Variants in INTS11 observed in about 807,000 individuals in gnomAD.
INTS11 encodes CPSF3-like protein.
INTS11 carries 77 observed loss-of-function variants against 78.6 expected under a neutral mutation model. That is an observed-to-expected ratio of 0.98 (90% CI 0.81 to 1.18). INTS11 has a LOEUF of 1.18. Among genes scored for constraint, INTS11 ranks in the 50% most tolerant of loss-of-function variants. The pLI is 0.00. For missense variants in INTS11, 875 were observed against 825.9 expected (o/e 1.06, Z -0.73); for synonymous variants, 441 against 326.9 (o/e 1.35, Z -3.77).
chr1:1,320,058 C>T, intron 3 of INTS11: 1 of 224,604 alleles, frequency 4.5e-6, no homozygotes, highest in South Asian at 6.5e-5. Flanking sequence ...AGGGGGCCAG[C>T]AGGAGTGCTG....
At position 1,312,218 on chromosome 1, in the gene INTS11, G is replaced by A; in HGVS notation, c.1607+8C>T. On this transcript the variant is annotated splice_region_variant and intron_variant, in intron 15 of 16. Coordinates refer to ENST00000435064, the MANE Select transcript of INTS11 (RefSeq NM_017871.6). ...GGGAGTGGGGGGGGGGCGGGGCCGG[G>A]CGCCCACCTCTTGAGGTGGCTGTAG... 2.0e-6 allele frequency: 3 copies of A among 1,486,700 alleles called. No homozygotes were observed. Among genetic ancestry groups the A allele is most frequent in the Non-Finnish European group, 2.7e-6 (3 of 1,099,202 alleles). 92.1% of individuals were successfully genotyped at this position (1,486,700 alleles called of 1,614,324 possible). A position where few individuals can be genotyped will look rare whatever the true frequency, so the allele number is the denominator to read the frequency against.
At position 1,314,569 on chromosome 1, in the gene INTS11, A is replaced by G. The variant is rs544984041; in HGVS notation, c.703-204T>C. ...CAGGAGGGAGCCGCATGAGAGACAG[A>G]AGGGAGCTGCATGAGAGACAGAAGG... On this transcript the variant is annotated intron_variant, in intron 7 of 16. Transcript: ENST00000435064. This position sits in a 1 kb window ranked among gnomAD's most constrained non-coding sequence, Gnocchi z 4.2. 2.7e-4 allele frequency: 172 copies of G among 631,128 alleles called. No individual in the cohort carries two copies. The African/African-American group carries it at 2.8e-3, about 10-fold the overall frequency. 39.1% of individuals were successfully genotyped at this position (631,128 alleles called of 1,614,324 possible).
Position 1,312,867 on chromosome 1 carries a change from G to A in INTS11, c.1214C>T (p.Ala405Val), listed in dbSNP as rs370145171. Residue 405 changes from alanine to valine, a missense_variant, in exon 12 of 17, where the codon GCA becomes GTA. Ala to Val is a moderately conservative substitution (Grantham distance 64). Transcript: ENST00000435064. Reference sequence around the variant, plus strand: ...CACCAGCAGCACGCTCTCCGGCTCTGCCTGGCCCACCAGCTGCATGATGCC... The same window carrying A: ...CACCAGCAGCACGCTCTCCGGCTCTACCTGGCCCACCAGCTGCATGATGCC... ...AKGIMQLVGQ[A>V]EPESVLLVHG... 2.4e-5 allele frequency: 39 copies of A among 1,612,272 alleles called. No homozygotes were observed. The highest frequency in any genetic ancestry group is 3.2e-5 in the Non-Finnish European group (38 of 1,179,902).
intron 4 of INTS11, chr1:1,317,509 C>T: frequency 1.1e-6 from 1 of 940,834 alleles, no homozygotes; most frequent in Non-Finnish European, 1.3e-6. Flanking sequence ...CATCAGGAAA[C>T]AGGAAAGACA....
chr1:1,312,534 AG>A, intron 13 of INTS11, 33 bp from the exon 14 acceptor site: 1 of 1,581,176 alleles, frequency 6.3e-7, no homozygotes, highest in South Asian at 1.1e-5. Flanking sequence ...CATCAATGTG[AG>A]GGCCGCTCCC....
chr1:1,324,465 A>C (rs897990179), intron 1 of INTS11, 116 bp downstream of exon 1: 26 of 1,099,756 alleles, frequency 2.4e-5, no homozygotes, highest in Middle Eastern at 2.9e-4. Context: ...AGGAGACCGG[A>C]GGACGCCCGC....
intron 3 of INTS11, chr1:1,319,936 C>T (rs1470252446): frequency 1.4e-5 from 3 of 210,886 alleles, no homozygotes; most frequent in Non-Finnish European, 2.9e-5. Context: ...TGAGAAGAAA[C>T]CACAACCACG....
intron 1 of INTS11, chr1:1,321,898 T>TACCCC: frequency 8.8e-7 from 1 of 1,141,984 alleles, no homozygotes. Flanking sequence ...TCCCCTTGAA[T>TACCCC]CCCACCCACC....
At chr1:1,324,333 C>G (rs1432437098) in intron 1 of INTS11, among the ~76,000 whole-genome samples, 1 of 152,132 alleles carries the variant, frequency 6.6e-6, no homozygotes, top group African/African-American at 2.4e-5. Context: ...GCCCCGCGGC[C>G]CCATCTGCGA....
In INTS11 at chr1:1,314,714, G is replaced by T; in HGVS notation, c.702+110C>A. ...TCTTCTTCCCTCCCTGCCTGAAAAT[G>T]CAGTACCCCCCACCCTGAGACCCTG... is the stretch of plus-strand genomic sequence containing the variant. On this transcript the variant is annotated intron_variant, in intron 7 of 16. Coordinates refer to ENST00000435064, the MANE Select transcript of INTS11 (RefSeq NM_017871.6). The surrounding 1 kb of genome is among the most constrained non-coding windows in gnomAD (Gnocchi z 4.2). 1 of 1,276,040 alleles carries T rather than the reference G, an allele frequency of 7.8e-7. No individual in the cohort carries two copies. The highest frequency in any genetic ancestry group is 1.1e-6 in the Non-Finnish European group (1 of 913,800). 79.0% of individuals were successfully genotyped at this position (1,276,040 alleles called of 1,614,324 possible).
chr1:1,321,537 GTAAGTGAC>G (rs1436498453), intron 1 of INTS11, among the ~76,000 whole-genome samples: 3 of 152,378 alleles, frequency 2.0e-5, no homozygotes, highest in African/African-American at 7.2e-5. Context: ...AGGCAAGGCA[GTAAGTGAC>G]TAAGTGCTGG....
At chr1:1,323,816 C>A (rs1389183886) in intron 1 of INTS11, among the ~76,000 whole-genome samples, 1 of 121,880 alleles carries the variant, frequency 8.2e-6, no homozygotes, top group East Asian at 2.2e-4. Flanking sequence ...GTAACTCGGG[C>A]GTGAGCACAC....
chr1:1,312,198 T>TGTGGG (rs1553166750), intron 15 of INTS11, 28 bp downstream of exon 15: 6 of 1,080,894 alleles, frequency 5.6e-6, no homozygotes, highest in Middle Eastern at 6.1e-4. Context: ...CCCAAGGGAG[T>TGTGGG]GGGGGGGGGG....
intron 10 of INTS11, 168 bp downstream of exon 10, chr1:1,313,341 C>A: frequency 1.1e-6 from 1 of 903,090 alleles, no homozygotes; most frequent in Non-Finnish European, 1.7e-6. Flanking sequence ...AGCTGTGTCA[C>A]AGAGACTGAG....
chr1:1,314,209 G>A lies in INTS11; in HGVS notation c.767+92C>T, dbSNP rs1642431991. On this transcript the variant is annotated intron_variant, in intron 8 of 16. Transcript: ENST00000435064. This position sits in a 1 kb window ranked among gnomAD's most constrained non-coding sequence, Gnocchi z 4.2. ...GGACAGCAGCAAGCAGGGCCAAGAT[G>A]CCACCGCTACGCTGGACAGGGCTGC... 4 of 1,226,206 alleles carry A rather than the reference G, an allele frequency of 3.3e-6. No individual in the cohort carries two copies. The highest frequency in any genetic ancestry group is 1.5e-5 in the African/African-American group (1 of 66,704). 76.0% of individuals were successfully genotyped at this position (1,226,206 alleles called of 1,614,324 possible). A position where few individuals can be genotyped will look rare whatever the true frequency, so the allele number is the denominator to read the frequency against.
At chr1:1,313,176 A>C in intron 10 of INTS11, 52 bp from the exon 11 acceptor site, 470 of 1,550,882 alleles carry the variant, frequency 3.0e-4, no homozygotes, top group Non-Finnish European at 3.9e-4. Flanking sequence ...TTGGCACCTC[A>C]AGGCCTTGCC....
In INTS11 at chr1:1,311,903, G is replaced by A; in HGVS notation, c.1759C>T (p.Leu587Phe). Reference sequence around the variant, plus strand: ...AGGCCCTTCTTCAGCAGAGATGTGAGGAAGCTCCCCAGCTCCTCGTCCTAG... The same window carrying A: ...AGGCCCTTCTTCAGCAGAGATGTGAAGAAGCTCCCCAGCTCCTCGTCCTAG... The part of the protein sequence containing the change: ...TYQDEELGSF[L>F]TSLLKKGLPQ... The change falls in exon 17 of 17, where the codon CTC (leucine) becomes TTC (phenylalanine). Residue 587 changes from leucine (L) to phenylalanine (F), a missense_variant. Transcript: ENST00000435064. The A allele has an allele frequency of 5.1e-6, 8 of 1,573,660 alleles. No homozygotes were observed. The highest frequency in any genetic ancestry group is 6.9e-6 in the Non-Finnish European group (8 of 1,159,012).
Position 1,312,599 on chromosome 1 carries a change from C to T in INTS11, c.1396G>A (p.Ala466Thr), listed in dbSNP as rs534498317. ...CCCTGCCCAGCCCGCATACCCTGCG[C>T]CATCTCCCGCTTCAGCAGCCCCAGC... The part of the protein sequence containing the change: ...ISLGLLKREM[A>T]QGLLPEAKKP... The change falls in exon 13 of 17, where the codon GCG becomes ACG. Residue 466 changes from alanine to threonine, a missense_variant. By Grantham distance (58) the Ala-to-Thr change is moderately conservative. Coordinates refer to ENST00000435064, the MANE Select transcript of INTS11 (RefSeq NM_017871.6). 78 of 1,573,590 alleles carry T rather than the reference C, an allele frequency of 5.0e-5. No individual in the cohort carries two copies. In the Middle Eastern group the frequency reaches 6.8e-4, roughly 14 times the overall value.
chr1:1,315,684 G>T, intron 4 of INTS11, 66 bp from the exon 5 acceptor site: 1 of 865,492 alleles, frequency 1.2e-6, no homozygotes, highest in Non-Finnish European at 1.8e-6. Context: ...TGAGGGAGGC[G>T]GGGGACGGGA....
Sources: gnomAD v4.1 joint callset for allele counts (sites outside exome capture counted in the v4.1 genomes callset) on GRCh38, gnomAD v4.1.1 for gene constraint, Gnocchi (gnomAD v3.1) non-coding constraint, MANE v1.5 for transcripts, NCBI Gene and HGNC (gene_info 2026-07-23, HGNC 2026-07-21) for gene names.